ZNF362: variants seen among roughly 807,000 people sequenced by gnomAD.
ZNF362 encodes the protein rotund homolog.
ZNF362 carries 11 observed loss-of-function variants against 42.9 expected under a neutral mutation model. That is an observed-to-expected ratio of 0.26 (90% CI 0.16 to 0.42). The LOEUF (loss-of-function observed/expected upper bound fraction) is 0.42, where lower values mean the gene tolerates loss of function less well. ZNF362 is among the 20% of genes least tolerant of loss of function. The pLI, the probability that ZNF362 is intolerant of heterozygous loss-of-function variation, is 1.00. For missense variants in ZNF362, 362 were observed against 576.2 expected, an observed-to-expected ratio of 0.63 and a Z score of 3.81; for synonymous variants, 255 against 257.3, an observed-to-expected ratio of 0.99 and a Z score of 0.09.
At chr1:33,153,562 G>C in the ZNF362 span, among the ~76,000 whole-genome samples, 1 of 152,224 alleles carries the variant, frequency 6.6e-6, no homozygotes, top group African/African-American at 2.4e-5. Context: ...CCTGCAACAA[G>C]GAATGGTCCA....
chr1:33,147,786 G>T, the ZNF362 span: 5 of 1,553,676 alleles, frequency 3.2e-6, no homozygotes, highest in African/African-American at 6.8e-5. This position sits in a 1 kb window ranked among gnomAD's most constrained non-coding sequence, Gnocchi z 8.1. Flanking sequence ...GACCCACCAT[G>T]CAGTGCCTTC....
chr1:33,196,073 C>A, the ZNF362 span: 1 of 152,056 alleles, frequency 6.6e-6, no homozygotes, highest in Non-Finnish European at 1.5e-5. Context: ...ACTTTTTAAA[C>A]TTCTTTGTTA....
chr1:33,208,017 T>C, the ZNF362 span, among the ~76,000 whole-genome samples: 1 of 152,252 alleles, frequency 6.6e-6, no homozygotes, highest in East Asian at 1.9e-4. Context: ...ATGAAGTCTT[T>C]GCCCATGCCT....
intron 6 of ZNF362, among the ~76,000 whole-genome samples, chr1:33,293,961 A>G (rs1646098631): frequency 6.6e-6 from 1 of 152,080 alleles, no homozygotes; most frequent in African/African-American, 2.4e-5. Context: ...CCCGTCACTC[A>G]TGGTCTCCCC....
the ZNF362 span, among the ~76,000 whole-genome samples, chr1:33,197,302 G>A: frequency 6.6e-6 from 1 of 152,156 alleles, no homozygotes; most frequent in Non-Finnish European, 1.5e-5. Flanking sequence ...ACAGCCTATT[G>A]TGGGACTTTG....
chr1:33,232,249 A>G, the ZNF362 span, among the ~76,000 whole-genome samples: 1 of 152,098 alleles, frequency 6.6e-6, no homozygotes, highest in East Asian at 1.9e-4. Flanking sequence ...TCTTCCTTTA[A>G]AGATGCGTAA....
chr1:33,246,538 G>A, the ZNF362 span, among the ~76,000 whole-genome samples: 2 of 152,154 alleles, frequency 1.3e-5, no homozygotes, highest in Non-Finnish European at 2.9e-5. Flanking sequence ...GCTCACATAG[G>A]ACTGGGTCCC....
the ZNF362 span, among the ~76,000 whole-genome samples, chr1:33,218,971 ACACACAC>A: frequency 4.0e-5 from 6 of 150,476 alleles, no homozygotes; most frequent in African/African-American, 1.5e-4. Flanking sequence ...ACACACACAC[ACACACAC>A]ACATACACCA....
At chr1:33,160,028 AC>A in the ZNF362 span, 275 of 1,540,082 alleles carry the variant, frequency 1.8e-4, 1 homozygote, top group Non-Finnish European at 2.2e-4. Context: ...GAGAGCCTTG[AC>A]ACACAGAGAG....
chr1:33,256,841 G>GGCC (rs1557784530), intron 1 of ZNF362, among the ~76,000 whole-genome samples, 187 bp downstream of exon 1: 2 of 147,632 alleles, frequency 1.4e-5, no homozygotes, highest in Admixed American at 1.3e-4. Flanking sequence ...CGGCGGCGGC[G>GGCC]GCGGCAGCGG....
the ZNF362 span, chr1:33,158,278 C>T: frequency 7.4e-6 from 12 of 1,613,934 alleles, no homozygotes; most frequent in Non-Finnish European, 1.0e-5. Flanking sequence ...GGAACAGGGA[C>T]TTCCAGATGG....
the ZNF362 span, chr1:33,159,986 A>T: frequency 1.3e-6 from 2 of 1,583,760 alleles, no homozygotes; most frequent in Non-Finnish European, 1.7e-6. The surrounding 1 kb of genome is among the most constrained non-coding windows in gnomAD (Gnocchi z 4.2). Context: ...GGGGGAGCAG[A>T]TGGGGTGATC....
In ZNF362 at chr1:33,276,455, A is replaced by C; in HGVS notation, c.210A>C (p.Leu70=). Residue 70 remains leucine, a synonymous_variant, in exon 4 of 9, where the codon CTA becomes CTC. Transcript: ENST00000539719. ...CGGCCTCGTCGCAGCAGCCGTTGCT[A>C]GTGCCGCCGGCACCCGCCGAGAGCA... The part of the protein sequence containing the change: ...PTSASSQQPL[L]VPPAPAESSQ... The C allele has an allele frequency of 1.3e-6, 2 of 1,566,964 alleles. No individual in the cohort carries two copies. Among genetic ancestry groups the C allele is most frequent in the Non-Finnish European group, 1.7e-6 (2 of 1,160,428 alleles).
At chr1:33,166,327 A>ACCCAAC in the ZNF362 span, 4 of 151,466 alleles carry the variant, frequency 2.6e-5, no homozygotes, top group Non-Finnish European at 4.4e-5. Context: ...TGAAACCATC[A>ACCCAAC]CCCCACCCCC....
intron 6 of ZNF362, among the ~76,000 whole-genome samples, chr1:33,282,238 C>T (rs1646000653): frequency 6.6e-6 from 1 of 152,226 alleles, no homozygotes; most frequent in Admixed American, 6.5e-5. Context: ...CTCACTCAAT[C>T]TACTGGGAGT....
the ZNF362 span, among the ~76,000 whole-genome samples, chr1:33,184,806 A>T: frequency 6.6e-6 from 1 of 152,068 alleles, no homozygotes; most frequent in Non-Finnish European, 1.5e-5. Flanking sequence ...TTTGAGATGG[A>T]GTCTCGCTCT....
chr1:33,189,730 T>C, the ZNF362 span, among the ~76,000 whole-genome samples: 3 of 136,068 alleles, frequency 2.2e-5, no homozygotes, highest in Non-Finnish European at 3.1e-5. Context: ...CATACACACA[T>C]ACACATATAT....
At chr1:33,252,800 A>G (rs1484826320), upstream of ZNF362, among the ~76,000 whole-genome samples, 1 of 152,204 alleles carries the variant, frequency 6.6e-6, no homozygotes, top group Non-Finnish European at 1.5e-5. Flanking sequence ...TATACACACA[A>G]TAGTTAGAAT....
chr1:33,263,681 G>C (rs1366495706), intron 1 of ZNF362, among the ~76,000 whole-genome samples: 1 of 152,196 alleles, frequency 6.6e-6, no homozygotes, highest in African/African-American at 2.4e-5. Flanking sequence ...AAAGTGCTGG[G>C]ATTACAGGTG....
Sources: gnomAD v4.1 joint callset for allele counts (sites outside exome capture counted in the v4.1 genomes callset) on GRCh38, gnomAD v4.1.1 for gene constraint, Gnocchi (gnomAD v3.1) non-coding constraint, MANE v1.5 for transcripts, NCBI Gene and HGNC (gene_info 2026-07-23, HGNC 2026-07-21) for gene names.